Variants in PTPRA observed in about 807,000 individuals in gnomAD.
PTPRA encodes protein tyrosine phosphatase receptor type A.
Under a neutral mutation model 104.8 loss-of-function variants are expected in PTPRA, and 25 were observed. That is an observed-to-expected ratio of 0.24 (90% CI 0.17 to 0.33). The LOEUF (loss-of-function observed/expected upper bound fraction) is 0.33, where lower values mean the gene tolerates loss of function less well. PTPRA is among the 10% of genes least tolerant of loss of function. PTPRA has a pLI of 1.00. For synonymous variants in PTPRA, 323 were observed against 368.9 expected, an observed-to-expected ratio of 0.88 and a Z score of 1.43; for missense variants, 765 against 1,015.3, an observed-to-expected ratio of 0.75 and a Z score of 3.35.
chr20:2,923,391 T>G (rs938712044), intron 2 of PTPRA, 106 bp downstream of exon 2: 1 of 741,820 alleles, frequency 1.3e-6, no homozygotes, highest in Non-Finnish European at 1.9e-6. Context: ...GTTTCTAAGC[T>G]GTAAGAGTAG....
At chr20:2,986,923 C>A in intron 7 of PTPRA, 74 bp downstream of exon 7, 1 of 1,302,780 alleles carries the variant, frequency 7.7e-7, no homozygotes, top group Non-Finnish European at 1.1e-6. Context: ...CCCACACAGT[C>A]CAGTAGACAG....
intron 6 of PTPRA, among the ~76,000 whole-genome samples, chr20:2,985,974 G>A (rs1182582413): frequency 6.6e-6 from 1 of 151,858 alleles, no homozygotes; most frequent in African/African-American, 2.4e-5. Flanking sequence ...TAGTGTACAG[G>A]CCCGGCTCAC....
intron 5 of PTPRA, 42 bp downstream of exon 5, chr20:2,965,244 T>C (rs771837429): frequency 2.1e-4 from 314 of 1,495,670 alleles, no homozygotes; most frequent in Non-Finnish European, 2.6e-4. Flanking sequence ...TCTTTGAGTT[T>C]AGTCTTCCTT....
chr20:3,027,805 T>A lies in PTPRA; in HGVS notation c.1884T>A (p.Ser628=), dbSNP rs1431209404. The change falls in exon 20 of 24, where the codon TCT becomes TCA. Residue 628 remains serine, a synonymous_variant. Coordinates refer to ENST00000399903, the MANE Select transcript of PTPRA (RefSeq NM_001385305.1). ...WRMIWEWKSC[S]IVMLTELEER... is the part of the protein sequence containing the mutation. ...TGATCTGGGAGTGGAAATCCTGCTC[T>A]ATCGTGATGCTAACAGAACTGGAGG... is the stretch of plus-strand genomic sequence containing the variant. 6.2e-7 allele frequency: 1 copy of A among 1,614,080 alleles called. No homozygotes were observed. The highest frequency in any genetic ancestry group is 8.5e-7 in the Non-Finnish European group (1 of 1,180,046).
chr20:3,029,558 T>TTTTTTTTTTTTTTTTTTA (rs2065328932), intron 20 of PTPRA, among the ~76,000 whole-genome samples: 2 of 116,702 alleles, frequency 1.7e-5, no homozygotes, highest in Non-Finnish European at 3.9e-5. Context: ...TTTTTTTTTT[T>TTTTTTTTTTTTTTTTTTA]GAGACGGAGT....
At chr20:3,036,847 ACAG>A (rs1232886521) in intron 22 of PTPRA, among the ~76,000 whole-genome samples, 1 of 152,222 alleles carries the variant, frequency 6.6e-6, no homozygotes, top group Non-Finnish European at 1.5e-5. Flanking sequence ...AACTGAGCGA[ACAG>A]CAGGTCAGAA....
intron 12 of PTPRA, among the ~76,000 whole-genome samples, chr20:3,016,319 G>C (rs1172909340): frequency 6.6e-6 from 1 of 152,104 alleles, no homozygotes; most frequent in Non-Finnish European, 1.5e-5. Flanking sequence ...ACAGATAGTT[G>C]GTCTAGGAAC....
chr20:3,033,203 C>G (rs1051779245), intron 20 of PTPRA, among the ~76,000 whole-genome samples: 1 of 151,970 alleles, frequency 6.6e-6, no homozygotes, highest in Non-Finnish European at 1.5e-5. Flanking sequence ...CACCTGTCCC[C>G]CTTCCCAATG....
At chr20:3,026,861 T>A in intron 18 of PTPRA, 81 bp downstream of exon 18, 2 of 1,218,424 alleles carry the variant, frequency 1.6e-6, no homozygotes, top group Non-Finnish European at 2.4e-6. Flanking sequence ...CAGGTACTAG[T>A]TAATGATTGG....
chr20:2,902,177 G>A (rs1254074925), intron 1 of PTPRA, among the ~76,000 whole-genome samples: 1 of 151,932 alleles, frequency 6.6e-6, no homozygotes, highest in African/African-American at 2.4e-5. Context: ...GAGCCACTGC[G>A]CCTGGCCAAT....
intron 1 of PTPRA, among the ~76,000 whole-genome samples, chr20:2,905,269 A>G (rs1214885713): frequency 6.6e-6 from 1 of 152,196 alleles, no homozygotes; most frequent in Non-Finnish European, 1.5e-5. Flanking sequence ...TGCCAAAAAG[A>G]TTGGAGACCG....
In PTPRA at chr20:3,015,898, C is replaced by T; in HGVS notation, c.943+13C>T. 6.4e-7 allele frequency: 1 copy of T among 1,552,372 alleles called. No homozygotes were observed. The highest frequency in any genetic ancestry group is 1.1e-5 in the South Asian group (1 of 89,546). ...ATTGCTGCACAAGGTAAAGTAATGA[C>T]AACTTTTTTCTGTTAGATTTAACCA... On this transcript the variant is annotated intron_variant, in intron 12 of 23. Transcript: ENST00000399903.
intron 9 of PTPRA, among the ~76,000 whole-genome samples, chr20:3,001,293 T>G: frequency 6.6e-6 from 1 of 152,220 alleles, no homozygotes; most frequent in South Asian, 2.1e-4. Flanking sequence ...CTTTCTTCTC[T>G]CTTGTTAAAC....
chr20:3,011,605 G>T (rs2064171324), intron 11 of PTPRA, among the ~76,000 whole-genome samples: 1 of 152,208 alleles, frequency 6.6e-6, no homozygotes, highest in Non-Finnish European at 1.5e-5. Context: ...AAGTCACAGA[G>T]ACTAGAAACA....
intron 1 of PTPRA, among the ~76,000 whole-genome samples, chr20:2,887,736 A>G (rs2090462482): frequency 6.6e-6 from 1 of 152,260 alleles, no homozygotes; most frequent in East Asian, 1.9e-4. Flanking sequence ...ACCATTAGTA[A>G]AGAGAATGTC....
rs2089722911 is a variant in PTPRA at position 2,876,426 on chromosome 20, C to G, written c.-129+2666C>G. 2.6e-5 allele frequency among the ~76,000 whole-genome samples: 4 copies of G among 152,194 alleles called. No homozygotes were observed. In the South Asian group the frequency reaches 8.3e-4, roughly 32 times the overall value. ...CTTTATAAATATGTGCCTGCTTATC[C>G]ATACTCCTCCCACCATGGGACGTAC... On this transcript the variant is annotated intron_variant, in intron 1 of 23. Transcript: ENST00000399903.
Position 3,027,714 on chromosome 20 carries a change from G to A in PTPRA, c.1793G>A (p.Arg598Gln), listed in dbSNP as rs753066418. 15 of 1,613,848 alleles carry A rather than the reference G, an allele frequency of 9.3e-6. No homozygotes were observed. Among genetic ancestry groups the A allele is most frequent in the Middle Eastern group, 1.7e-4 (1 of 6,008 alleles). Residue 598 changes from arginine to glutamine, a missense_variant, in exon 20 of 24, where the codon CGG becomes CAG. Arg to Gln is a conservative substitution (Grantham distance 43). Coordinates refer to ENST00000399903, the MANE Select transcript of PTPRA (RefSeq NM_001385305.1). ...TTAACCTGGCCTGTGCAGGGCTACC[G>A]GCAGAAGGACTCCTATATCGCCAGC... ...YVNASFIDGY[R>Q]QKDSYIASQG...
chr20:3,013,619 C>T (rs2064289961), intron 11 of PTPRA, among the ~76,000 whole-genome samples: 1 of 152,106 alleles, frequency 6.6e-6, no homozygotes, highest in East Asian at 1.9e-4. Flanking sequence ...CCATGTTGGT[C>T]ATGCTGGCCT....
chr20:2,979,684 G>A (rs772317933), intron 6 of PTPRA, among the ~76,000 whole-genome samples: 3 of 147,718 alleles, frequency 2.0e-5, no homozygotes, highest in Non-Finnish European at 4.4e-5. Flanking sequence ...ATGCCACCAT[G>A]CCCAGCTAAT....
Sources: allele counts gnomAD v4.1 joint callset (sites outside exome capture counted in the v4.1 genomes callset), GRCh38; gene constraint gnomAD v4.1.1; transcripts MANE v1.5; gene names NCBI Gene and HGNC (gene_info 2026-07-23, HGNC 2026-07-21).